The following PTK7 variants were observed in gnomAD, a reference collection of about 807,000 sequenced individuals.
The protein encoded by PTK7 is protein tyrosine kinase 7 (inactive), also known as inactive tyrosine-protein kinase 7.
In PTK7, 39 loss-of-function variants were observed where a neutral mutation model predicts 116.6. The ratio of observed to expected loss-of-function variants is 0.33; its 90% confidence interval spans 0.26 to 0.44. The LOEUF is 0.44. Ranked by LOEUF, PTK7 falls within the 20% of genes least tolerant of loss-of-function variation. The probability of loss-of-function intolerance (pLI) is 1.00; values close to 1 mark genes in which losing one functional copy is unlikely to be tolerated. For missense variants in PTK7, 1,169 were observed against 1,425.6 expected, an observed-to-expected ratio of 0.82 and a Z score of 2.90; for synonymous variants, 546 against 563.6, an observed-to-expected ratio of 0.97 and a Z score of 0.44.
intron 1 of PTK7, among the ~76,000 whole-genome samples, chr6:43,082,336 A>C (rs1001832234): frequency 6.6e-6 from 1 of 151,960 alleles, no homozygotes; most frequent in African/African-American, 2.4e-5. Flanking sequence ...CCACCACGCC[A>C]GGCTAATTTT....
chr6:43,129,446 A>G lies in PTK7; in HGVS notation c.367+182A>G. The G allele has an allele frequency of 1.0e-6, 1 of 972,370 alleles. No homozygotes were observed. 60.2% of individuals were successfully genotyped at this position (972,370 alleles called of 1,614,324 possible). A position where few individuals can be genotyped will look rare whatever the true frequency, so the allele number is the denominator to read the frequency against. Reference sequence around the variant, plus strand: ...GAAATTAAAAGTTATATTTTTTCCAAAATTTTTTCCTTCAAGTCTGGGACC... The same window carrying G: ...GAAATTAAAAGTTATATTTTTTCCAGAATTTTTTCCTTCAAGTCTGGGACC... On this transcript the variant is annotated intron_variant, in intron 2 of 19. Transcript: ENST00000230419. The surrounding 1 kb of genome is among the most constrained non-coding windows in gnomAD (Gnocchi z 4.5).
chr6:43,114,906 G>T (rs1000016969), intron 1 of PTK7, among the ~76,000 whole-genome samples: 5 of 152,072 alleles, frequency 3.3e-5, no homozygotes, highest in African/African-American at 7.2e-5. Flanking sequence ...GCGGGGCATG[G>T]TGGCACGTGC....
chr6:43,132,230 T>G (rs1769731070), intron 6 of PTK7, 66 bp downstream of exon 6: 1 of 1,540,490 alleles, frequency 6.5e-7, no homozygotes, highest in African/African-American at 1.4e-5. Flanking sequence ...ACATAGAGAT[T>G]TAGGCTTCTG....
chr6:43,082,060 C>T (rs967238827), intron 1 of PTK7, among the ~76,000 whole-genome samples: 3 of 152,196 alleles, frequency 2.0e-5, no homozygotes, highest in Non-Finnish European at 4.4e-5. Flanking sequence ...AAGTTGCTTC[C>T]TCAGAGAACT....
At position 43,145,937 on chromosome 6, in the gene PTK7, G is replaced by A. The variant is rs908179566; in HGVS notation, c.2640+505G>A. On this transcript the variant is annotated intron_variant, in intron 16 of 19. Coordinates refer to ENST00000230419, the MANE Select transcript of PTK7 (RefSeq NM_002821.5). The surrounding 1 kb of genome is among the most constrained non-coding windows in gnomAD (Gnocchi z 4.8). ...CGCCTTCCTCTTCATTCCCCAGCTG[G>A]TCCTTGCCCTCACCCCATGGTCCTC... 2 of 153,256 alleles carry A rather than the reference G, an allele frequency of 1.3e-5. No homozygotes were observed. The highest frequency in any genetic ancestry group is 1.3e-4 in the Admixed American group (2 of 15,346). The allele number at this position is 153,256 out of a possible 1,614,324, so 9.5% of individuals were successfully genotyped here.
Position 43,107,980 on chromosome 6 carries a change from G to A in PTK7, c.80-20997G>A, listed in dbSNP as rs528674703. Reference sequence around the variant, plus strand: ...TATTAGGGTTTTAACAGTTATTTACGGGAGTAATAGAAGATAAAGAGAATG... The same window carrying A: ...TATTAGGGTTTTAACAGTTATTTACAGGAGTAATAGAAGATAAAGAGAATG... On this transcript the variant is annotated intron_variant, in intron 1 of 19. Transcript: ENST00000230419. Among the ~76,000 whole-genome samples, 5 of 151,948 alleles carry A rather than the reference G, an allele frequency of 3.3e-5. No individual in the cohort carries two copies. The East Asian group carries it at 7.7e-4, about 24-fold the overall frequency.
At chr6:43,136,931 G>C (rs1457555647) in intron 7 of PTK7, among the ~76,000 whole-genome samples, 1 of 152,184 alleles carries the variant, frequency 6.6e-6, no homozygotes, top group African/African-American at 2.4e-5. Context: ...TTGAGCCTGG[G>C]ACGCTGAGGC....
chr6:43,136,844 TA>T (rs1179078341), intron 7 of PTK7, among the ~76,000 whole-genome samples: 4 of 149,420 alleles, frequency 2.7e-5, no homozygotes, highest in Admixed American at 6.7e-5. Context: ...CTACTAAAAA[TA>T]AAAAAAAAAT....
rs774104483 is a variant in PTK7, at chr6:43,131,997, T to C, written c.813-19T>C. 3.1e-6 allele frequency: 5 copies of C among 1,613,492 alleles called. No individual in the cohort carries two copies. In the African/African-American group the frequency reaches 6.7e-5, roughly 22 times the overall value. On this transcript the variant is annotated intron_variant, in intron 5 of 19. Transcript: ENST00000230419. Reference sequence around the variant, plus strand: ...GGCCTATTGGCCACTTTCTCCAAATTGCACTCTCCCCTCTGCAGCCCCCCA... The same window carrying C: ...GGCCTATTGGCCACTTTCTCCAAATCGCACTCTCCCCTCTGCAGCCCCCCA...
At position 43,139,262 on chromosome 6, in the gene PTK7, C is replaced by G; in HGVS notation, c.1489C>G (p.Gln497Glu). The G allele has an allele frequency of 6.2e-7, 1 of 1,614,252 alleles. No individual in the cohort carries two copies. The highest frequency in any genetic ancestry group is 8.5e-7 in the Non-Finnish European group (1 of 1,180,038). The change falls in exon 9 of 20, where the codon CAA becomes GAA. Residue 497 changes from glutamine to glutamate, a missense_variant. Around this residue, in one of 3 missense-constraint regions of PTK7, gnomAD observed 678 missense variants for 853.8 expected, o/e 0.79. Transcript: ENST00000230419. The surrounding 1 kb of genome is among the most constrained non-coding windows in gnomAD (Gnocchi z 4.6). Reference protein sequence around the residue: ...AGSIEAQARVQVLEKLKFTPP... With the variant: ...AGSIEAQARVEVLEKLKFTPP... The stretch of plus-strand genomic sequence containing the variant: ...CAGCATCGAGGCGCAAGCCCGTGTC[C>G]AAGTGCTGGGTGAGCCAGCATGTCT...
intron 18 of PTK7, 71 bp from the exon 19 acceptor site, chr6:43,159,716 TG>T: frequency 1.3e-6 from 2 of 1,509,044 alleles, no homozygotes; most frequent in Non-Finnish European, 1.8e-6. Context: ...GCGTTCCAGA[TG>T]GGGAGATGAG....
intron 15 of PTK7, chr6:43,144,877 T>A: frequency 2.4e-6 from 1 of 424,162 alleles, no homozygotes; most frequent in Non-Finnish European, 4.1e-6. Context: ...TAAGTTACCA[T>A]TGTTCTAGGA....
chr6:43,139,017 G>A lies in PTK7; in HGVS notation c.1362+35G>A. ...AAGAGTGTTGCTAGTGGATGGGCGGGGCCTTCCCTCCACTTGCCCTCTTCT... is the reference window on the plus strand; with the variant it reads ...AAGAGTGTTGCTAGTGGATGGGCGGAGCCTTCCCTCCACTTGCCCTCTTCT... On this transcript the variant is annotated intron_variant, in intron 8 of 19. Coordinates refer to ENST00000230419, the MANE Select transcript of PTK7 (RefSeq NM_002821.5). This position sits in a 1 kb window ranked among gnomAD's most constrained non-coding sequence, Gnocchi z 4.6. 6.2e-7 allele frequency: 1 copy of A among 1,608,932 alleles called. No individual in the cohort carries two copies. The highest frequency in any genetic ancestry group is 1.1e-5 in the South Asian group (1 of 90,680).
intron 1 of PTK7, among the ~76,000 whole-genome samples, chr6:43,115,179 T>C (rs1768436739): frequency 6.6e-6 from 1 of 152,144 alleles, no homozygotes; most frequent in Admixed American, 6.5e-5. Context: ...GCCAGAATGC[T>C]TTTTCTAAAC....
intron 1 of PTK7, among the ~76,000 whole-genome samples, chr6:43,128,343 C>T (rs1038172868): frequency 7.9e-5 from 12 of 152,184 alleles, no homozygotes; most frequent in Admixed American, 6.5e-4. Flanking sequence ...CTTCTTCCTT[C>T]GTGCTCAAGT....
chr6:43,101,429 G>A (rs1305185366), intron 1 of PTK7, among the ~76,000 whole-genome samples: 1 of 151,292 alleles, frequency 6.6e-6, no homozygotes, highest in Non-Finnish European at 1.5e-5. Flanking sequence ...GTGGGCACCT[G>A]TAGTCCTAGC....
intron 1 of PTK7, among the ~76,000 whole-genome samples, chr6:43,126,090 T>C (rs186034920): frequency 6.6e-6 from 1 of 152,080 alleles, no homozygotes; most frequent in African/African-American, 2.4e-5. Flanking sequence ...GAGGCCGAGG[T>C]GGGTGGATCA....
At chr6:43,095,204 A>T (rs927093673) in intron 1 of PTK7, among the ~76,000 whole-genome samples, 27 of 149,160 alleles carry the variant, frequency 1.8e-4, no homozygotes, top group African/African-American at 6.4e-4. Context: ...TACTAAAAAA[A>T]AAAAAAAAAA....
intron 1 of PTK7, among the ~76,000 whole-genome samples, chr6:43,108,067 C>A (rs1582106245): frequency 6.6e-6 from 1 of 151,154 alleles, no homozygotes; most frequent in East Asian, 1.9e-4. Context: ...TCTTGTTTTC[C>A]AAATTTGTTC....
Sources: gnomAD v4.1 joint callset for allele counts (sites outside exome capture counted in the v4.1 genomes callset) on GRCh38, gnomAD v4.1.1 for gene constraint, gnomAD v4.1.1 regional missense constraint, Gnocchi (gnomAD v3.1) non-coding constraint, MANE v1.5 for transcripts, NCBI Gene and HGNC (gene_info 2026-07-23, HGNC 2026-07-21) for gene names.